Variants in COL26A1 observed in about 807,000 individuals in gnomAD.
The protein encoded by COL26A1 is collagen alpha-1(XXVI) chain.
COL26A1 carries 41 observed loss-of-function variants against 59.3 expected under a neutral mutation model. The observed-to-expected ratio is 0.69, with a 90% confidence interval of 0.54 to 0.90. The LOEUF (loss-of-function observed/expected upper bound fraction) is 0.90, where lower values mean the gene tolerates loss of function less well. Among genes scored for constraint, COL26A1 ranks in the 40% least tolerant of loss-of-function variants. COL26A1 has a pLI of 0.00. For missense variants in COL26A1, 612 were observed against 602.3 expected (o/e 1.02, Z -0.17); for synonymous variants, 266 against 256.0 (o/e 1.04, Z -0.37).
chr7:101,536,978 C>G (rs1451998638), intron 4 of COL26A1, among the ~76,000 whole-genome samples: 1 of 152,236 alleles, frequency 6.6e-6, no homozygotes, highest in Admixed American at 6.5e-5. Flanking sequence ...GGCAATGTGA[C>G]CACCTCCTGG....
intron 3 of COL26A1, among the ~76,000 whole-genome samples, chr7:101,502,617 T>C (rs1794728444): frequency 6.7e-6 from 1 of 148,186 alleles, no homozygotes; most frequent in African/African-American, 2.7e-5. Flanking sequence ...GGGCTGGAGC[T>C]GGGCTGGAGC....
chr7:101,511,345 G>A (rs7778986), intron 3 of COL26A1, among the ~76,000 whole-genome samples: 48,968 of 152,120 alleles, frequency 0.32, 11,565 homozygotes, highest in African/African-American at 0.67. Flanking sequence ...AGCATAACCC[G>A]CTGGACTCGG....
Position 101,544,041 on chromosome 7 carries a change from C to A in COL26A1, c.648C>A (p.Pro216=), listed in dbSNP as rs149289538. 1.9e-6 allele frequency: 3 copies of A among 1,600,972 alleles called. No homozygotes were observed. The highest frequency in any genetic ancestry group is 4.5e-5 in the East Asian group (2 of 44,394). Residue 216 remains proline (P), a synonymous_variant, in exon 6 of 13, where the codon CCC becomes CCA. Transcript: ENST00000313669. Reference sequence around the variant, plus strand: ...GACCACCAGGGCCTGCAGGCCCCCCCGGGTCTAAAGGTGACCGAGGCCAGA... The same window carrying A: ...GACCACCAGGGCCTGCAGGCCCCCCAGGGTCTAAAGGTGACCGAGGCCAGA... ...QTGPPGPAGP[P]GSKGDRGQTG...
At chr7:101,557,214 T>G (rs982680739) in intron 12 of COL26A1, among the ~76,000 whole-genome samples, 156 bp from the exon 13 acceptor site, 1 of 152,178 alleles carries the variant, frequency 6.6e-6, no homozygotes, top group South Asian at 2.1e-4. Flanking sequence ...CATGGATCCA[T>G]GAATGAATGA....
intron 2 of COL26A1, among the ~76,000 whole-genome samples, chr7:101,445,824 C>T (rs1240575711): frequency 6.7e-6 from 1 of 149,004 alleles, no homozygotes; most frequent in Non-Finnish European, 1.5e-5. Flanking sequence ...CCGAGGTGGG[C>T]GGATCACGAG....
At chr7:101,528,763 G>A (rs558603397) in intron 3 of COL26A1, among the ~76,000 whole-genome samples, 2 of 152,212 alleles carry the variant, frequency 1.3e-5, no homozygotes, top group East Asian at 3.9e-4. Flanking sequence ...TCACCAGGCT[G>A]ATCTCAAACT....
At chr7:101,510,922 A>T in intron 3 of COL26A1, among the ~76,000 whole-genome samples, 1 of 106,018 alleles carries the variant, frequency 9.4e-6, no homozygotes, top group East Asian at 2.5e-4. Flanking sequence ...TTTTTTTGAG[A>T]CGGAGTCTCG....
chr7:101,389,042 C>T (rs1450917028), intron 1 of COL26A1: 3 of 259,220 alleles, frequency 1.2e-5, no homozygotes, highest in Admixed American at 8.8e-5. Flanking sequence ...CGTTTTTCAC[C>T]TTGCCACCAG....
rs566391217 is a variant in COL26A1 at position 101,483,379 on chromosome 7, G to T, written c.385+35592G>T. 2.6e-5 allele frequency among the ~76,000 whole-genome samples: 4 copies of T among 151,720 alleles called. No homozygotes were observed. In the East Asian group the frequency reaches 7.9e-4, roughly 30 times the overall value. On this transcript the variant is annotated intron_variant, in intron 3 of 12. Transcript: ENST00000313669. ...TACTCGGCTAATTTTTGTATTTTTAGTAGAGACGGGGTTTCACCATCTTGG... is the reference window on the plus strand; with the variant it reads ...TACTCGGCTAATTTTTGTATTTTTATTAGAGACGGGGTTTCACCATCTTGG...
At chr7:101,541,989 T>C (rs974288671) in intron 5 of COL26A1, among the ~76,000 whole-genome samples, 7 of 151,770 alleles carry the variant, frequency 4.6e-5, no homozygotes, top group African/African-American at 1.7e-4. Flanking sequence ...TTTTTTGACA[T>C]GGAGTCTCAC....
intron 1 of COL26A1, among the ~76,000 whole-genome samples, chr7:101,413,502 A>G (rs1792292485): frequency 6.6e-6 from 1 of 151,496 alleles, no homozygotes; most frequent in African/African-American, 2.4e-5. Flanking sequence ...CTGGGCCACA[A>G]GAGTAAAACT....
chr7:101,436,727 T>G (rs1213217168), intron 2 of COL26A1, among the ~76,000 whole-genome samples: 1 of 151,830 alleles, frequency 6.6e-6, no homozygotes, highest in Non-Finnish European at 1.5e-5. Flanking sequence ...TCATTTTTTT[T>G]TTTTTTGAGA....
Position 101,392,768 on chromosome 7 carries a change from C to T in COL26A1, c.159-27209C>T, listed in dbSNP as rs564835167. On this transcript the variant is annotated intron_variant, in intron 1 of 12. Coordinates refer to ENST00000313669, the MANE Select transcript of COL26A1 (RefSeq NM_001278563.3). Reference sequence around the variant, plus strand: ...GTGACAGTCATTTGTGATCCAATTCCTAGTTGTCTGAAATGTGCCTCCCTC... The same window carrying T: ...GTGACAGTCATTTGTGATCCAATTCTTAGTTGTCTGAAATGTGCCTCCCTC... Among the ~76,000 whole-genome samples the T allele has an allele frequency of 2.0e-3, 310 of 152,094 alleles. 1 individual carries two copies. Among genetic ancestry groups the T allele is most frequent in the Middle Eastern group, 3.4e-3 (1 of 294 alleles).
intron 3 of COL26A1, among the ~76,000 whole-genome samples, chr7:101,482,888 C>T (rs577059731): frequency 1.3e-5 from 2 of 152,076 alleles, no homozygotes; most frequent in Non-Finnish European, 2.9e-5. Flanking sequence ...ACCTGGAAGG[C>T]GGAGGTTGCA....
intron 2 of COL26A1, among the ~76,000 whole-genome samples, chr7:101,431,466 C>T (rs1005499908): frequency 2.6e-5 from 4 of 152,056 alleles, no homozygotes; most frequent in African/African-American, 4.8e-5. Context: ...CACCATGTTG[C>T]GTAGGCTGGT....
At chr7:101,499,892 A>AC (rs1447111918) in intron 3 of COL26A1, among the ~76,000 whole-genome samples, 1 of 125,324 alleles carries the variant, frequency 8.0e-6, no homozygotes, top group African/African-American at 3.5e-5. Context: ...AAAAAAAAAA[A>AC]AAAACACCTT....
At chr7:101,395,877 G>GTC (rs1791843935) in intron 1 of COL26A1, among the ~76,000 whole-genome samples, 1 of 152,134 alleles carries the variant, frequency 6.6e-6, no homozygotes, top group African/African-American at 2.4e-5. Context: ...GTTGTCGAGG[G>GTC]TCTCAGCCTT....
intron 2 of COL26A1, among the ~76,000 whole-genome samples, chr7:101,440,504 AC>A (rs1443223658): frequency 6.6e-6 from 1 of 152,144 alleles, no homozygotes; most frequent in Non-Finnish European, 1.5e-5. Flanking sequence ...CAAATGTGGA[AC>A]CTGTCTTGGG....
intron 2 of COL26A1, among the ~76,000 whole-genome samples, chr7:101,421,581 A>G (rs1792522002): frequency 6.6e-6 from 1 of 152,002 alleles, no homozygotes; most frequent in Non-Finnish European, 1.5e-5. Context: ...AGGCTGAGGC[A>G]GGAGAATCAC....
Sources: gnomAD v4.1 joint callset for allele counts (sites outside exome capture counted in the v4.1 genomes callset) on GRCh38, gnomAD v4.1.1 for gene constraint, MANE v1.5 for transcripts, NCBI Gene and HGNC (gene_info 2026-07-23, HGNC 2026-07-21) for gene names.